EYS: variants seen among roughly 807,000 people sequenced by gnomAD.
EYS encodes protein eyes shut homolog.
Under a neutral mutation model 282.1 loss-of-function variants are expected in EYS, and 250 were observed. The ratio of observed to expected loss-of-function variants is 0.89; its 90% CI spans 0.80 to 0.98. The LOEUF (loss-of-function observed/expected upper bound fraction) is 0.98, where lower values mean the gene tolerates loss of function less well. EYS is among the 50% of genes least tolerant of loss of function. The probability of loss-of-function intolerance (pLI) is 0.00; values close to 1 mark genes in which losing one functional copy is unlikely to be tolerated. For synonymous variants in EYS, 1,355 were observed against 1,282.9 expected (o/e 1.06, Z -1.20); for missense variants, 4,016 against 3,709.0 (o/e 1.08, Z -2.15).
intron 24 of EYS, among the ~76,000 whole-genome samples, chr6:64,594,229 T>C (rs554506603): frequency 2.6e-4 from 39 of 152,116 alleles, no homozygotes; most frequent in Non-Finnish European, 5.3e-4. Context: ...GTTAGATAAT[T>C]CGCAACAAAG....
At chr6:64,095,786 A>T (rs1244272545) in intron 31 of EYS, among the ~76,000 whole-genome samples, 2 of 152,100 alleles carry the variant, frequency 1.3e-5, no homozygotes, top group East Asian at 3.9e-4. Context: ...TGTGAATTTG[A>T]TCCTGTCATT....
At chr6:63,890,194 C>T (rs1195928592) in intron 35 of EYS, among the ~76,000 whole-genome samples, 1 of 152,172 alleles carries the variant, frequency 6.6e-6, no homozygotes, top group Non-Finnish European at 1.5e-5. Flanking sequence ...ATCAATGAGA[C>T]AGAAAATTAA....
At chr6:65,135,275 C>T (rs1775991873) in intron 12 of EYS, among the ~76,000 whole-genome samples, 2 of 151,906 alleles carry the variant, frequency 1.3e-5, no homozygotes, top group Non-Finnish European at 2.9e-5. Context: ...GTTACATTCC[C>T]TATGTTATCC....
At chr6:65,692,834 T>C (rs191540009) in intron 1 of EYS, among the ~76,000 whole-genome samples, 65 of 150,282 alleles carry the variant, frequency 4.3e-4, no homozygotes, top group African/African-American at 1.5e-3. Flanking sequence ...ATATTTTGTT[T>C]GAAAGATATA....
intron 5 of EYS, among the ~76,000 whole-genome samples, chr6:65,429,341 G>C (rs567301313): frequency 2.6e-5 from 4 of 152,218 alleles, no homozygotes; most frequent in African/African-American, 9.6e-5. Context: ...TACTCTTCCA[G>C]CCTCTGGGAT....
At chr6:64,202,076 T>G (rs2150322790) in intron 31 of EYS, among the ~76,000 whole-genome samples, 1 of 152,182 alleles carries the variant, frequency 6.6e-6, no homozygotes, top group East Asian at 1.9e-4. Flanking sequence ...TACTATCAAG[T>G]TTTGGGGTAC....
intron 24 of EYS, among the ~76,000 whole-genome samples, chr6:64,595,535 A>C (rs528349634): frequency 6.5e-4 from 99 of 152,282 alleles, no homozygotes; most frequent in Non-Finnish European, 1.0e-3. Context: ...TATATAGAAA[A>C]ACCTAAAGAC....
At position 64,590,879 on chromosome 6, in the gene EYS, T is replaced by G. The variant is rs1341414541; in HGVS notation, c.4988A>C (p.Lys1663Thr). Reference protein sequence around the residue: ...SNLDVNLCLDKTCLSIVPSQT... With the variant: ...SNLDVNLCLDTTCLSIVPSQT... Reference sequence around the variant, plus strand: ...TGAAGGGACAATGGATAAACAAGTCTTATCCAAACATAAATTAACATCCAA... The same window carrying G: ...TGAAGGGACAATGGATAAACAAGTCGTATCCAAACATAAATTAACATCCAA... Residue 1663 changes from lysine (K) to threonine (T), a missense_variant, in exon 26 of 43, where the codon AAG becomes ACG. Physicochemically the swap from Lys to Thr is moderately conservative, Grantham distance 78. Transcript: ENST00000503581. 1 of 1,550,574 alleles carries G rather than the reference T, an allele frequency of 6.4e-7. No individual in the cohort carries two copies. Among genetic ancestry groups the G allele is most frequent in the African/African-American group, 1.4e-5 (1 of 73,028 alleles).
intron 2 of EYS, among the ~76,000 whole-genome samples, chr6:65,541,378 A>T (rs1305583592): frequency 6.8e-6 from 1 of 146,202 alleles, no homozygotes. Context: ...TTTGTTCATG[A>T]ATCAATATTT....
intron 2 of EYS, among the ~76,000 whole-genome samples, chr6:65,518,860 A>T (rs1767238795): frequency 6.6e-6 from 1 of 152,232 alleles, no homozygotes; most frequent in East Asian, 1.9e-4. Flanking sequence ...GAGACTTACT[A>T]TCATGAGAAC....
chr6:64,265,221 A>G (rs1767717661), intron 30 of EYS, among the ~76,000 whole-genome samples: 1 of 152,158 alleles, frequency 6.6e-6, no homozygotes, highest in African/African-American at 2.4e-5. Flanking sequence ...AAAAATGCCA[A>G]TATGCATTTT....
chr6:65,115,751 A>G (rs1775351206), intron 12 of EYS, among the ~76,000 whole-genome samples: 1 of 150,256 alleles, frequency 6.7e-6, no homozygotes, highest in South Asian at 2.1e-4. Context: ...GGCCATCCTT[A>G]ATATGCCTCT....
At position 64,242,057 on chromosome 6, in the gene EYS, G is replaced by A. The variant is rs554143084; in HGVS notation, c.6192-11233C>T. On this transcript the variant is annotated intron_variant, in intron 30 of 42. Coordinates refer to ENST00000503581, the MANE Select transcript of EYS (RefSeq NM_001142800.2). ...TTTGTTATGAATTCTGTTCTTTTGC[G>A]TTTGCTGAGGAGTGTTTTACTTCCA... Among the ~76,000 whole-genome samples the A allele has an allele frequency of 3.2e-4, 49 of 152,024 alleles. No individual in the cohort carries two copies. In the South Asian group the frequency reaches 7.7e-3, roughly 24 times the overall value.
rs934210987 is a variant in EYS, at chr6:64,299,834, G to C, written c.6191+7136C>G. ...TTAACATCATCAGCAGTGGGTCCCA[G>C]TATCATCTCTAACACTATGGGCTTT... On this transcript the variant is annotated intron_variant, in intron 30 of 42. Transcript: ENST00000503581. 2.6e-5 allele frequency among the ~76,000 whole-genome samples: 4 copies of C among 152,146 alleles called. No individual in the cohort carries two copies. In the East Asian group the frequency reaches 7.7e-4, roughly 29 times the overall value.
At chr6:65,465,007 T>C (rs1212195506) in intron 5 of EYS, among the ~76,000 whole-genome samples, 1 of 152,156 alleles carries the variant, frequency 6.6e-6, no homozygotes, top group Non-Finnish European at 1.5e-5. Flanking sequence ...TAGATAGTTC[T>C]ACAAAAATAG....
chr6:64,515,403 A>G (rs982934772), intron 26 of EYS, among the ~76,000 whole-genome samples: 5 of 151,438 alleles, frequency 3.3e-5, no homozygotes, highest in African/African-American at 1.2e-4. Flanking sequence ...AATTTTAAGT[A>G]AGTTATTTAT....
intron 22 of EYS, among the ~76,000 whole-genome samples, chr6:64,686,765 GTGTATATATA>G (rs1296961072): frequency 3.1e-4 from 4 of 12,946 alleles, no homozygotes; most frequent in African/African-American, 5.7e-4. Flanking sequence ...ATATATATGT[GTGTATATATA>G]TATATATATA....
At chr6:63,845,253 A>C (rs189849216) in intron 36 of EYS, among the ~76,000 whole-genome samples, 1 of 152,336 alleles carries the variant, frequency 6.6e-6, no homozygotes, top group African/African-American at 2.4e-5. Context: ...AGATGCAAGG[A>C]GTCAAAGTGA....
In EYS at chr6:64,945,812, C is replaced by A; in HGVS notation, c.2362G>T (p.Asp788Tyr). The change falls in exon 15 of 43, where the codon GAC (aspartate) becomes TAC (tyrosine). Residue 788 changes from aspartate to tyrosine, a missense_variant. Coordinates refer to ENST00000503581, the MANE Select transcript of EYS (RefSeq NM_001142800.2). ...ACTCACCGATAGCTTTTGTAAAGGTCAGTACAGGTGGAATTGTTCTTGCAA... is the reference window on the plus strand; with the variant it reads ...ACTCACCGATAGCTTTTGTAAAGGTAAGTACAGGTGGAATTGTTCTTGCAA... ...NPCKNNSTCT[D>Y]LYKSYRCECT... 1 of 1,549,662 alleles carries A rather than the reference C, an allele frequency of 6.5e-7. No homozygotes were observed. The highest frequency in any genetic ancestry group is 8.7e-7 in the Non-Finnish European group (1 of 1,145,756).
Sources: gnomAD v4.1 joint callset for allele counts (sites outside exome capture counted in the v4.1 genomes callset) on GRCh38, gnomAD v4.1.1 for gene constraint, MANE v1.5 for transcripts, NCBI Gene and HGNC (gene_info 2026-07-23, HGNC 2026-07-21) for gene names.